Variants in ADGRV1 observed in about 807,000 individuals in gnomAD.
ADGRV1 encodes the protein adhesion G protein-coupled receptor V1, also known as G-protein coupled receptor 98.
Under a neutral mutation model 596.2 loss-of-function variants are expected in ADGRV1, and 359 were observed. That is an observed-to-expected ratio of 0.60 (90% CI 0.55 to 0.66). The LOEUF is 0.66. Ranked by LOEUF, ADGRV1 falls within the 30% of genes least tolerant of loss-of-function variation. The probability of loss-of-function intolerance (pLI) is 0.00; values close to 1 mark genes in which losing one functional copy is unlikely to be tolerated. For synonymous variants in ADGRV1, 2,681 were observed against 2,679.2 expected (o/e 1.00, Z -0.02); for missense variants, 7,274 against 7,575.6 (o/e 0.96, Z 1.48).
rs142225939 is a variant in ADGRV1 at position 90,952,996 on chromosome 5, C to T, written c.17857-12419C>T. Among the ~76,000 whole-genome samples the T allele has an allele frequency of 4.0e-3, 609 of 152,160 alleles. 4 individuals carry two copies. Among genetic ancestry groups the T allele is most frequent in the Middle Eastern group, 6.8e-3 (2 of 294 alleles). On this transcript the variant is annotated intron_variant, in intron 83 of 89. Coordinates refer to ENST00000405460, the MANE Select transcript of ADGRV1 (RefSeq NM_032119.4). The stretch of plus-strand genomic sequence containing the variant: ...TTTAGTGATTATTCATTGAAAAGAC[C>T]ACAATTTTACTCACCAGTGAGGTTC...
rs1345030580 is a variant in ADGRV1, at chr5:90,781,459, G to C, written c.13112G>C (p.Gly4371Ala). ...TATGATTTTACCATTCAAGAAAATG[G>C]ACTTCAGATAGATCAACCTCCTGAA... ...RGYDFTIQEN[G>A]LQIDQPPEIG... Residue 4371 changes from glycine (G) to alanine (A), a missense_variant, in exon 65 of 90, where the codon GGA becomes GCA. Gly to Ala is a moderately conservative substitution (Grantham distance 60, BLOSUM62 0). Coordinates refer to ENST00000405460, the MANE Select transcript of ADGRV1 (RefSeq NM_032119.4). 1 of 1,607,716 alleles carries C rather than the reference G, an allele frequency of 6.2e-7. No individual in the cohort carries two copies. The highest frequency in any genetic ancestry group is 8.5e-7 in the Non-Finnish European group (1 of 1,176,266).
intron 24 of ADGRV1, 103 bp from the exon 25 acceptor site, chr5:90,675,977 A>T: frequency 9.7e-6 from 8 of 826,234 alleles, no homozygotes; most frequent in Non-Finnish European, 1.3e-5. Flanking sequence ...ATAATTTGGG[A>T]TATAACAAAC....
intron 11 of ADGRV1, among the ~76,000 whole-genome samples, chr5:90,641,877 T>C (rs11952742): frequency 0.18 from 27,549 of 152,122 alleles, 2,688 homozygotes; most frequent in East Asian, 0.4. Context: ...ATCATTCTAA[T>C]TATGCTTTGA....
chr5:90,672,646 A>G lies in ADGRV1; in HGVS notation c.4853A>G (p.Asp1618Gly). The change falls in exon 22 of 90, where the codon GAT (aspartate) becomes GGT (glycine). Residue 1618 changes from aspartate (D) to glycine (G), a missense_variant. Transcript: ENST00000405460. ...VFYTISQIET[D>G]GINYLVDDFA... ...TACACCATTTCACAGATTGAAACTG[A>G]TGGCATTAATTACCTTGTTGATGAC... 6.2e-7 allele frequency: 1 copy of G among 1,613,556 alleles called. No individual in the cohort carries two copies. The highest frequency in any genetic ancestry group is 8.5e-7 in the Non-Finnish European group (1 of 1,179,510).
In ADGRV1 at chr5:90,646,092, G is replaced by A; in HGVS notation, c.3022+1G>A. 1.9e-6 allele frequency: 3 copies of A among 1,553,002 alleles called. No homozygotes were observed. The highest frequency in any genetic ancestry group is 2.6e-6 in the Non-Finnish European group (3 of 1,148,636). ...AATGATGACCCCATTTATTTTGCAG[G>A]TGGTATTGCTGTCTTATTTGAATGA... On this transcript the variant is annotated splice_donor_variant, in intron 16 of 89. Coordinates refer to ENST00000405460, the MANE Select transcript of ADGRV1 (RefSeq NM_032119.4). LOFTEE classifies it high-confidence loss of function.
intron 85 of ADGRV1, among the ~76,000 whole-genome samples, chr5:91,008,188 T>C (rs1262419639): frequency 6.6e-6 from 1 of 152,180 alleles, no homozygotes; most frequent in East Asian, 1.9e-4. Flanking sequence ...CAGGAACCTA[T>C]CCTGACAGTG....
intron 86 of ADGRV1, among the ~76,000 whole-genome samples, chr5:91,088,214 T>C (rs1156334608): frequency 6.6e-6 from 1 of 152,198 alleles, no homozygotes. Context: ...TAATAAGTAA[T>C]TGAAATAAAC....
At chr5:90,733,607 C>T (rs901913550) in intron 50 of ADGRV1, among the ~76,000 whole-genome samples, 5 of 152,112 alleles carry the variant, frequency 3.3e-5, no homozygotes, top group Non-Finnish European at 7.4e-5. Flanking sequence ...GTCACCTCAA[C>T]TACTGACCAG....
intron 76 of ADGRV1, among the ~76,000 whole-genome samples, chr5:90,826,352 G>A (rs1192084615): frequency 1.3e-5 from 2 of 152,092 alleles, no homozygotes; most frequent in Non-Finnish European, 2.9e-5. Context: ...TTTTGTCAAA[G>A]GAAAGACATC....
At chr5:90,823,818 T>C (rs1763829831) in intron 76 of ADGRV1, among the ~76,000 whole-genome samples, 1 of 152,218 alleles carries the variant, frequency 6.6e-6, no homozygotes, top group South Asian at 2.1e-4. Flanking sequence ...ATTTTTTTGT[T>C]TCTTGCCATT....
chr5:90,991,033 T>C (rs764910904), intron 85 of ADGRV1, among the ~76,000 whole-genome samples: 2 of 152,158 alleles, frequency 1.3e-5, no homozygotes, highest in African/African-American at 2.4e-5. Flanking sequence ...TGTTCATACA[T>C]AGAGAATATG....
At chr5:91,136,790 T>C (rs775354435) in intron 87 of ADGRV1, among the ~76,000 whole-genome samples, 12 of 152,354 alleles carry the variant, frequency 7.9e-5, no homozygotes, top group Non-Finnish European at 1.5e-4. Context: ...TTCCAAGATA[T>C]CAGACTTTAA....
chr5:90,559,470 G>A (rs994901730), intron 1 of ADGRV1, among the ~76,000 whole-genome samples: 1 of 151,978 alleles, frequency 6.6e-6, no homozygotes, highest in Admixed American at 6.6e-5. Flanking sequence ...ATATGTATAT[G>A]TATATATATT....
At chr5:90,637,008 T>C (rs1256276043) in intron 10 of ADGRV1, among the ~76,000 whole-genome samples, 4 of 152,208 alleles carry the variant, frequency 2.6e-5, no homozygotes, top group Non-Finnish European at 5.9e-5. Flanking sequence ...ACAATTTGTT[T>C]CAGAATTATT....
At chr5:90,843,530 A>G (rs1332566363) in intron 78 of ADGRV1, among the ~76,000 whole-genome samples, 1 of 152,242 alleles carries the variant, frequency 6.6e-6, no homozygotes, top group Non-Finnish European at 1.5e-5. Flanking sequence ...CAAATATTTC[A>G]GTGAAAAACT....
chr5:90,789,748 A>T lies in ADGRV1; in HGVS notation c.13940A>T (p.Glu4647Val). ...DPNGVVQFAP[E>V]TLSKKTYSEP... ...AATGGAGTTGTTCAGTTTGCTCCTG[A>T]AACTTTGTCTAAGAAGACTTATTCA... The change falls in exon 69 of 90, where the codon GAA becomes GTA. Residue 4647 changes from glutamate to valine, a missense_variant. Coordinates refer to ENST00000405460, the MANE Select transcript of ADGRV1 (RefSeq NM_032119.4). 6.4e-7 allele frequency: 1 copy of T among 1,560,302 alleles called. No homozygotes were observed.
At chr5:90,833,482 AC>A (rs1159058665) in intron 77 of ADGRV1, among the ~76,000 whole-genome samples, 2 of 151,992 alleles carry the variant, frequency 1.3e-5, no homozygotes, top group Non-Finnish European at 2.9e-5. Context: ...ATGGGATTTT[AC>A]CATGATACTC....
intron 86 of ADGRV1, among the ~76,000 whole-genome samples, chr5:91,081,415 T>A (rs1789365894): frequency 6.6e-6 from 1 of 152,142 alleles, no homozygotes; most frequent in Admixed American, 6.6e-5. Flanking sequence ...CATTCCACAC[T>A]GAAGCATTCT....
At chr5:91,112,139 T>A (rs1792427422) in intron 87 of ADGRV1, among the ~76,000 whole-genome samples, 1 of 152,194 alleles carries the variant, frequency 6.6e-6, no homozygotes, top group South Asian at 2.1e-4. Context: ...ACTGCAGGAT[T>A]TTCACTTTTG....
Sources: allele counts gnomAD v4.1 joint callset (sites outside exome capture counted in the v4.1 genomes callset), GRCh38; gene constraint gnomAD v4.1.1; transcripts MANE v1.5; gene names NCBI Gene and HGNC (gene_info 2026-07-23, HGNC 2026-07-21).